RANBP17: variants seen among roughly 807,000 people sequenced by gnomAD.
The protein encoded by RANBP17 is ran-binding protein 17.
A neutral mutation model predicts 141.2 loss-of-function variants in RANBP17; 158 were observed. That is an observed-to-expected ratio of 1.12 (90% CI 0.98 to 1.28). The LOEUF (loss-of-function observed/expected upper bound fraction) is 1.28. Among genes scored for constraint, RANBP17 ranks in the 50% most tolerant of loss-of-function variants. The pLI, the probability that RANBP17 is intolerant of heterozygous loss-of-function variation, is 0.00. For missense variants in RANBP17, 1,438 were observed against 1,290.7 expected, an observed-to-expected ratio of 1.11 and a Z score of -1.75; for synonymous variants, 430 against 450.0, an observed-to-expected ratio of 0.96 and a Z score of 0.56.
At chr5:171,080,334 A>G (rs1171744546) in intron 14 of RANBP17, among the ~76,000 whole-genome samples, 1 of 152,098 alleles carries the variant, frequency 6.6e-6, no homozygotes, top group Admixed American at 6.6e-5. Context: ...TGTAAATGCC[A>G]GGATAAAGGA....
chr5:170,911,355 A>G (rs909676320), intron 7 of RANBP17: 4 of 571,808 alleles, frequency 7.0e-6, no homozygotes, highest in Non-Finnish European at 1.2e-5. Context: ...AAAAACAAGG[A>G]CTGCACTAGA....
chr5:170,980,616 T>G (rs1777700135), intron 14 of RANBP17, among the ~76,000 whole-genome samples: 1 of 152,186 alleles, frequency 6.6e-6, no homozygotes, highest in African/African-American at 2.4e-5. Context: ...ACCTTCCATG[T>G]GGTGTTGAGC....
chr5:171,208,434 C>T (rs774848674), intron 20 of RANBP17, among the ~76,000 whole-genome samples: 5 of 152,170 alleles, frequency 3.3e-5, no homozygotes, highest in African/African-American at 4.8e-5. Context: ...TAAGAAAACA[C>T]CTTAGCTTGC....
intron 14 of RANBP17, among the ~76,000 whole-genome samples, chr5:171,165,470 G>A (rs558680048): frequency 4.6e-5 from 7 of 152,158 alleles, no homozygotes; most frequent in East Asian, 1.9e-4. Flanking sequence ...GAGCCACCGC[G>A]CCCAGCCTAA....
At chr5:171,032,611 T>C (rs1781620279) in intron 14 of RANBP17, among the ~76,000 whole-genome samples, 1 of 152,174 alleles carries the variant, frequency 6.6e-6, no homozygotes, top group South Asian at 2.1e-4. Context: ...AACATGTGCA[T>C]GACTTAATAG....
At chr5:170,863,488 G>A (rs1052989927) in intron 1 of RANBP17, 2 of 152,138 alleles carry the variant, frequency 1.3e-5, no homozygotes, top group Admixed American at 6.5e-5. Context: ...AGAATGTTAT[G>A]TAGTAAGCCC....
intron 22 of RANBP17, among the ~76,000 whole-genome samples, chr5:171,222,692 G>A (rs1281168944): frequency 3.3e-5 from 5 of 152,012 alleles, no homozygotes; most frequent in African/African-American, 1.2e-4. Context: ...GCAGTGGCAC[G>A]ATCTCAGAGC....
intron 14 of RANBP17, among the ~76,000 whole-genome samples, chr5:171,093,591 C>T (rs779012879): frequency 2.0e-5 from 3 of 152,192 alleles, no homozygotes; most frequent in Non-Finnish European, 4.4e-5. Flanking sequence ...AATATAGTCA[C>T]AATCACTGGT....
At chr5:171,158,833 G>T (rs1486805289) in intron 14 of RANBP17, among the ~76,000 whole-genome samples, 1 of 152,158 alleles carries the variant, frequency 6.6e-6, no homozygotes, top group Non-Finnish European at 1.5e-5. Flanking sequence ...TTTCCAGCAG[G>T]TGCGGCTGCC....
rs761421748 is a variant in RANBP17, at chr5:171,240,993, A to G, written c.2488A>G (p.Ile830Val). Residue 830 changes from isoleucine to valine, a missense_variant, in exon 23 of 28, where the codon ATC becomes GTC. Transcript: ENST00000523189. Reference sequence around the variant, plus strand: ...GATTTATCCAATGAAACTCAAGGGCATCTCCATCTGCTATTCAGCTCTCAA... The same window carrying G: ...GATTTATCCAATGAAACTCAAGGGCGTCTCCATCTGCTATTCAGCTCTCAA... The part of the protein sequence containing the change: ...DQIYPMKLKG[I>V]SICYSALKSA... The G allele has an allele frequency of 1.2e-6, 2 of 1,613,922 alleles. No homozygotes were observed. Among genetic ancestry groups the G allele is most frequent in the African/African-American group, 1.3e-5 (1 of 74,930 alleles).
At chr5:171,143,902 GTAT>G (rs2127816803) in intron 14 of RANBP17, among the ~76,000 whole-genome samples, 1 of 152,316 alleles carries the variant, frequency 6.6e-6, no homozygotes, top group South Asian at 2.1e-4. Flanking sequence ...AGCCATGCGA[GTAT>G]TACAGAGCAT....
At chr5:170,975,749 G>A (rs1352734819) in intron 14 of RANBP17, among the ~76,000 whole-genome samples, 5 of 152,034 alleles carry the variant, frequency 3.3e-5, no homozygotes, top group South Asian at 2.1e-4. Flanking sequence ...CGAATTTCCC[G>A]CATTTTTTCT....
intron 22 of RANBP17, among the ~76,000 whole-genome samples, chr5:171,235,200 C>T (rs954734392): frequency 6.6e-6 from 1 of 151,890 alleles, no homozygotes; most frequent in African/African-American, 2.4e-5. Flanking sequence ...TCACTAGTAA[C>T]CTTGAAAAGA....
At chr5:171,276,088 G>A (rs1186866583) in intron 25 of RANBP17, among the ~76,000 whole-genome samples, 1 of 152,198 alleles carries the variant, frequency 6.6e-6, no homozygotes, top group Admixed American at 6.5e-5. Flanking sequence ...TTTCTGTACA[G>A]CTGGCACCTG....
intron 25 of RANBP17, among the ~76,000 whole-genome samples, chr5:171,274,149 TGC>T (rs1554127520): frequency 0.069 from 8,758 of 126,630 alleles, 453 homozygotes; most frequent in African/African-American, 0.18. Flanking sequence ...TGTGTGTGTG[TGC>T]GCGCGCGCGC....
intron 11 of RANBP17, among the ~76,000 whole-genome samples, chr5:170,923,102 CTTTTA>C (rs1772611266): frequency 6.6e-6 from 1 of 152,060 alleles, no homozygotes; most frequent in Non-Finnish European, 1.5e-5. Flanking sequence ...AGAGATTTTT[CTTTTA>C]TTTTCCCTTC....
intron 24 of RANBP17, among the ~76,000 whole-genome samples, chr5:171,263,502 G>A (rs770983295): frequency 2.6e-5 from 4 of 152,180 alleles, no homozygotes; most frequent in Non-Finnish European, 2.9e-5. Flanking sequence ...TAATTTTAGT[G>A]TACAAAGGAG....
chr5:171,097,074 A>G (rs1272715301), intron 14 of RANBP17, among the ~76,000 whole-genome samples: 6 of 152,168 alleles, frequency 3.9e-5, no homozygotes, highest in Non-Finnish European at 7.4e-5. Context: ...GGAGGTTGTA[A>G]GAATTTTCCC....
intron 14 of RANBP17, among the ~76,000 whole-genome samples, chr5:171,021,282 G>A (rs1381480285): frequency 6.6e-6 from 1 of 152,142 alleles, no homozygotes; most frequent in Non-Finnish European, 1.5e-5. Flanking sequence ...TGTGTTAGTG[G>A]TGTTCTCTGT....
Sources: allele counts gnomAD v4.1 joint callset (sites outside exome capture counted in the v4.1 genomes callset), GRCh38; gene constraint gnomAD v4.1.1; transcripts MANE v1.5; gene names NCBI Gene and HGNC (gene_info 2026-07-23, HGNC 2026-07-21).